The following HECTD2 variants were observed in gnomAD, a reference collection of about 807,000 sequenced individuals.
HECTD2 encodes the protein probable E3 ubiquitin-protein ligase HECTD2.
Under a neutral mutation model 103.2 loss-of-function variants are expected in HECTD2, and 35 were observed. That is an observed-to-expected ratio of 0.34 (90% confidence interval 0.26 to 0.45). The LOEUF (loss-of-function observed/expected upper bound fraction) is 0.45. Ranked by LOEUF, HECTD2 falls within the 20% of genes least tolerant of loss-of-function variation. The pLI is 1.00. For synonymous variants in HECTD2, 281 were observed against 329.9 expected (o/e 0.85, Z 1.61); for missense variants, 596 against 937.4 (o/e 0.64, Z 4.76).
intron 2 of HECTD2, among the ~76,000 whole-genome samples, chr10:91,432,367 G>A (rs1291600278): frequency 6.6e-6 from 1 of 151,918 alleles, no homozygotes; most frequent in Non-Finnish European, 1.5e-5. Context: ...TAACAGCTGA[G>A]GAATGCCTTT....
At position 91,498,154 on chromosome 10, in the gene HECTD2, T is replaced by C. The variant is rs766135930; in HGVS notation, c.1727T>C (p.Val576Ala). 1.9e-6 allele frequency: 3 copies of C among 1,611,466 alleles called. No homozygotes were observed. Among genetic ancestry groups the C allele is most frequent in the Admixed American group, 1.7e-5 (1 of 60,004 alleles). Residue 576 changes from valine (V) to alanine (A), a missense_variant, in exon 16 of 21, where the codon GTT (valine) becomes GCT (alanine). Val to Ala is a moderately conservative substitution (Grantham distance 64). Around this residue, in one of 4 missense-constraint regions of HECTD2, gnomAD observed 303 missense variants for 522.5 expected, o/e 0.58. Transcript: ENST00000298068. The part of the protein sequence containing the change: ...LSELLSHEGN[V>A]EEDFYSTFQV... ...GAACTCTTATCACATGAAGGCAATG[T>C]TGAAGAAGATTTCTATTCAACATTT... is the stretch of plus-strand genomic sequence containing the variant.
At chr10:91,412,794 G>T (rs1039967702) in intron 1 of HECTD2, among the ~76,000 whole-genome samples, 4 of 151,988 alleles carry the variant, frequency 2.6e-5, no homozygotes, top group South Asian at 2.1e-4. Context: ...CCATCCAAAG[G>T]ATAAGAAATC....
intron 2 of HECTD2, among the ~76,000 whole-genome samples, chr10:91,427,443 C>T (rs961032822): frequency 8.5e-5 from 13 of 152,178 alleles, no homozygotes; most frequent in Admixed American, 8.5e-4. Context: ...TCCACAATGA[C>T]TGAACTAGTT....
At chr10:91,410,220 G>T, upstream of HECTD2, 1 of 151,824 alleles carries the variant, frequency 6.6e-6, no homozygotes, top group South Asian at 1.9e-4. Flanking sequence ...AAACCTGTGG[G>T]ACCTGTGGGG....
At chr10:91,506,679 G>A (rs552795737) in intron 20 of HECTD2, among the ~76,000 whole-genome samples, 2 of 151,886 alleles carry the variant, frequency 1.3e-5, no homozygotes, top group East Asian at 1.9e-4. Context: ...ATTCACAGCC[G>A]AGTTCTACCA....
In HECTD2 at chr10:91,498,271, G is replaced by T. The variant is rs1370562884; in HGVS notation, c.1755+89G>T. ...TTATTAAATACCCACTGTTAGAAAA[G>T]ATGAACAAGGATTAACCAATACATA... is the stretch of plus-strand genomic sequence containing the variant. On this transcript the variant is annotated intron_variant, in intron 16 of 20. Coordinates refer to ENST00000298068, the MANE Select transcript of HECTD2 (RefSeq NM_182765.6). 5.8e-6 allele frequency: 5 copies of T among 867,718 alleles called. No individual in the cohort carries two copies. In the Admixed American group the frequency reaches 9.3e-5, roughly 16 times the overall value. The allele number at this position is 867,718 out of a possible 1,614,324, so 53.8% of individuals were successfully genotyped here.
chr10:91,462,220 G>C (rs781669664), intron 5 of HECTD2, 36 bp downstream of exon 5: 3 of 1,526,870 alleles, frequency 2.0e-6, no homozygotes, highest in Admixed American at 2.0e-5. Flanking sequence ...ATTATTCTGT[G>C]TCTCTTCTGT....
chr10:91,425,956 A>C (rs1339719449), intron 2 of HECTD2, among the ~76,000 whole-genome samples: 2 of 152,034 alleles, frequency 1.3e-5, no homozygotes, highest in Non-Finnish European at 2.9e-5. Flanking sequence ...GAAGCAATCT[A>C]TATTAGTTAA....
At chr10:91,468,598 G>C (rs1845613058) in intron 5 of HECTD2, among the ~76,000 whole-genome samples, 1 of 151,944 alleles carries the variant, frequency 6.6e-6, no homozygotes, top group South Asian at 2.1e-4. Context: ...ATATGGATAG[G>C]AACAAAGATC....
intron 18 of HECTD2, 143 bp from the exon 19 acceptor site, chr10:91,500,359 A>G: frequency 1.9e-6 from 1 of 518,800 alleles, no homozygotes; most frequent in South Asian, 3.4e-5. Context: ...AAATATACCC[A>G]GAGTCGATTT....
rs1843516291 is a variant in HECTD2 at position 91,425,333 on chromosome 10, C to T, written c.191C>T (p.Ser64Leu). 1 of 1,545,282 alleles carries T rather than the reference C, an allele frequency of 6.5e-7. No homozygotes were observed. Among genetic ancestry groups the T allele is most frequent in the Non-Finnish European group, 8.8e-7 (1 of 1,139,356 alleles). Residue 64 changes from serine (S) to leucine (L), a missense_variant, in exon 2 of 21, where the codon TCA (serine) becomes TTA (leucine). This residue lies in a region of HECTD2 where 220 missense variants were observed against 233.9 expected (regional missense o/e 0.94). Transcript: ENST00000298068. ...ATTTCCACTTTCAGCAGTTTTATTT[C>T]AGCTGTTAGCCCGAAGAAAGAAGCT... ...GQISTFSSFI[S>L]AVSPKKEAAE...
chr10:91,454,232 C>CA, intron 2 of HECTD2, among the ~76,000 whole-genome samples: 1 of 152,280 alleles, frequency 6.6e-6, no homozygotes, highest in Non-Finnish European at 1.5e-5. Context: ...CGTGGCATTT[C>CA]AAGTGCCAGT....
chr10:91,512,072 A>G (rs1444223949), intron 20 of HECTD2, among the ~76,000 whole-genome samples, 192 bp from the exon 21 acceptor site: 1 of 152,208 alleles, frequency 6.6e-6, no homozygotes, highest in Non-Finnish European at 1.5e-5. Flanking sequence ...CCACAGCCTT[A>G]GTGTCTAGAG....
rs1372805706 is a variant in HECTD2 at position 91,489,418 on chromosome 10, T to C, written c.1191+1640T>C. ...GAGCTTATATGGTACAATCTAAATA[T>C]ACAAAATTGGTTTCCTAACCTAAAA... is the stretch of plus-strand genomic sequence containing the variant. On this transcript the variant is annotated intron_variant, in intron 11 of 20. Transcript: ENST00000298068. 3 of 152,196 alleles carry C rather than the reference T, an allele frequency of 2.0e-5. No individual in the cohort carries two copies. In the East Asian group the frequency reaches 5.8e-4, roughly 29 times the overall value. 9.4% of individuals were successfully genotyped at this position (152,196 alleles called of 1,614,324 possible).
intron 2 of HECTD2, among the ~76,000 whole-genome samples, chr10:91,458,697 A>G (rs1357653214): frequency 1.3e-5 from 2 of 151,964 alleles, no homozygotes; most frequent in Non-Finnish European, 2.9e-5. Flanking sequence ...ACAAAAAATA[A>G]TAAACATTAA....
rs1846316043 is a variant in HECTD2, at chr10:91,487,721, T to G, written c.1134T>G (p.Ala378=). The G allele has an allele frequency of 1.2e-6, 2 of 1,612,186 alleles. No individual in the cohort carries two copies. The highest frequency in any genetic ancestry group is 1.7e-6 in the Non-Finnish European group (2 of 1,178,838). ...AGTACCCATTCGTTATTTCTGTAGC[T>G]GCAAAAAAAATCATTATTCAGAGAG... The part of the protein sequence containing the change: ...FCQYPFVISV[A]AKKIIIQRDS... Residue 378 remains alanine (A), a synonymous_variant, in exon 11 of 21, where the codon GCT becomes GCG. Transcript: ENST00000298068. The surrounding 1 kb of genome is among the most constrained non-coding windows in gnomAD (Gnocchi z 4.1).
In HECTD2 at chr10:91,487,506, C is replaced by A. The variant is rs1398699367; in HGVS notation, c.1095-176C>A. 3 of 654,212 alleles carry A rather than the reference C, an allele frequency of 4.6e-6. No individual in the cohort carries two copies. Among genetic ancestry groups the A allele is most frequent in the Non-Finnish European group, 8.5e-6 (3 of 353,994 alleles). 40.5% of individuals were successfully genotyped at this position (654,212 alleles called of 1,614,324 possible). Reference sequence around the variant, plus strand: ...ATTGCACATCTAGTAATGATACATTCTTCACATGGCTGTGAGAATTAAAAG... The same window carrying A: ...ATTGCACATCTAGTAATGATACATTATTCACATGGCTGTGAGAATTAAAAG... On this transcript the variant is annotated intron_variant, in intron 10 of 20. Coordinates refer to ENST00000298068, the MANE Select transcript of HECTD2 (RefSeq NM_182765.6). The surrounding 1 kb of genome is among the most constrained non-coding windows in gnomAD (Gnocchi z 4.1).
intron 5 of HECTD2, among the ~76,000 whole-genome samples, chr10:91,477,199 A>G (rs1031024755): frequency 6.6e-6 from 1 of 152,160 alleles, no homozygotes; most frequent in Non-Finnish European, 1.5e-5. Context: ...AAAAAAAAAA[A>G]AAACCCCTGC....
At chr10:91,428,610 T>A (rs566147109) in intron 2 of HECTD2, among the ~76,000 whole-genome samples, 84 of 152,276 alleles carry the variant, frequency 5.5e-4, no homozygotes, top group African/African-American at 2.0e-3. Flanking sequence ...GTAAGTTGGA[T>A]TCCTAAGTAT....
Sources: gnomAD v4.1 joint callset for allele counts (sites outside exome capture counted in the v4.1 genomes callset) on GRCh38, gnomAD v4.1.1 for gene constraint, gnomAD v4.1.1 regional missense constraint, Gnocchi (gnomAD v3.1) non-coding constraint, MANE v1.5 for transcripts, NCBI Gene and HGNC (gene_info 2026-07-23, HGNC 2026-07-21) for gene names.